AGPS: variants seen among roughly 807,000 people sequenced by gnomAD.
AGPS encodes alkylglycerone phosphate synthase.
In AGPS, 26 loss-of-function variants were observed where a neutral mutation model predicts 90.7. That is an observed-to-expected ratio of 0.29 (90% CI 0.21 to 0.40). The LOEUF is 0.40. AGPS is among the 10% of genes least tolerant of loss of function. The probability of loss-of-function intolerance (pLI) is 1.00; values close to 1 mark genes in which losing one functional copy is unlikely to be tolerated. For synonymous variants in AGPS, 294 were observed against 285.3 expected, an observed-to-expected ratio of 1.03 and a Z score of -0.31; for missense variants, 540 against 816.1, an observed-to-expected ratio of 0.66 and a Z score of 4.12.
At chr2:177,400,880 C>G (rs570238150) in intron 1 of AGPS, among the ~76,000 whole-genome samples, 1 of 152,264 alleles carries the variant, frequency 6.6e-6, no homozygotes, top group East Asian at 1.9e-4. Flanking sequence ...AGATTGATTA[C>G]CTAGTTGGGT....
intron 8 of AGPS, among the ~76,000 whole-genome samples, chr2:177,455,019 CTGT>C (rs1559053668): frequency 6.6e-6 from 1 of 151,474 alleles, no homozygotes; most frequent in Non-Finnish European, 1.5e-5. Context: ...AGCTCATCAG[CTGT>C]TGTTAGTATT....
At chr2:177,462,140 C>T in intron 9 of AGPS, 122 bp downstream of exon 9, 1 of 844,190 alleles carries the variant, frequency 1.2e-6, no homozygotes, top group Non-Finnish European at 1.7e-6. Flanking sequence ...CCTGTAATCC[C>T]AGCACTTTGG....
At chr2:177,434,440 T>C in intron 3 of AGPS, 23 bp downstream of exon 3, 2 of 1,516,356 alleles carry the variant, frequency 1.3e-6, no homozygotes, top group South Asian at 1.1e-5. Flanking sequence ...AAATTATTAC[T>C]AACTCATTTA....
At chr2:177,461,860 T>C in intron 8 of AGPS, 33 bp from the exon 9 acceptor site, 1 of 1,596,464 alleles carries the variant, frequency 6.3e-7, no homozygotes, top group Non-Finnish European at 8.6e-7. Flanking sequence ...TGGGACCATT[T>C]TCACTGTAAA....
At chr2:177,533,048 T>C (rs982261602) in intron 19 of AGPS, among the ~76,000 whole-genome samples, 1 of 152,202 alleles carries the variant, frequency 6.6e-6, no homozygotes, top group African/African-American at 2.4e-5. Context: ...TATATCAGTG[T>C]CAATGTCTTA....
rs77186170 is a variant in AGPS at position 177,479,750 on chromosome 2, T to C, written c.1106-2309T>C. 4.0e-3 allele frequency among the ~76,000 whole-genome samples: 612 copies of C among 152,338 alleles called. 6 individuals are homozygous for C. The highest frequency in any genetic ancestry group is 0.032 in the East Asian group (168 of 5,178). ...GTATAGACAGAAAATAGATTTGTGG[T>C]TGCCTATGGCTAGGGTGTGGGAGTA... is the stretch of plus-strand genomic sequence containing the variant. On this transcript the variant is annotated intron_variant, in intron 10 of 19. Transcript: ENST00000264167.
chr2:177,447,720 T>C (rs1245794576), intron 8 of AGPS, among the ~76,000 whole-genome samples: 1 of 152,124 alleles, frequency 6.6e-6, no homozygotes, highest in African/African-American at 2.4e-5. Flanking sequence ...TTTCCCTAAA[T>C]GCCGATATAG....
At chr2:177,442,175 A>G (rs1686627310) in intron 6 of AGPS, among the ~76,000 whole-genome samples, 1 of 152,224 alleles carries the variant, frequency 6.6e-6, no homozygotes, top group Admixed American at 6.5e-5. Flanking sequence ...GGATGGAACC[A>G]TAGCCCATTG....
chr2:177,460,526 T>C (rs961109748), intron 8 of AGPS, among the ~76,000 whole-genome samples: 4 of 152,248 alleles, frequency 2.6e-5, no homozygotes, highest in African/African-American at 9.6e-5. Context: ...TGTTTTGTCA[T>C]GACAGTATGT....
At chr2:177,416,386 C>T (rs1685785008) in intron 1 of AGPS, among the ~76,000 whole-genome samples, 1 of 152,190 alleles carries the variant, frequency 6.6e-6, no homozygotes, top group Non-Finnish European at 1.5e-5. Flanking sequence ...TTTATGCCTC[C>T]ATTTTCTTTT....
chr2:177,513,801 T>G lies in AGPS; in HGVS notation c.1608-18T>G. ...CTCACTTGAAAACTTAATATTGTAT[T>G]CATTTATCTTTTTTTAGGGTGGTAG... On this transcript the variant is annotated intron_variant, in intron 16 of 19. Coordinates refer to ENST00000264167, the MANE Select transcript of AGPS (RefSeq NM_003659.4). 6.4e-7 allele frequency: 1 copy of G among 1,574,092 alleles called. No individual in the cohort carries two copies.
At chr2:177,402,660 C>G (rs1485009546) in intron 1 of AGPS, among the ~76,000 whole-genome samples, 1 of 152,142 alleles carries the variant, frequency 6.6e-6, no homozygotes, top group Admixed American at 6.5e-5. Context: ...AACTTTAAAA[C>G]ATACGGTTAA....
chr2:177,426,201 G>T (rs945766484), intron 2 of AGPS, among the ~76,000 whole-genome samples: 7 of 152,084 alleles, frequency 4.6e-5, no homozygotes, highest in African/African-American at 1.4e-4. Flanking sequence ...CTTGCCTGTT[G>T]TTGGTGTATA....
intron 11 of AGPS, among the ~76,000 whole-genome samples, chr2:177,482,666 GC>G (rs1192652700): frequency 1.3e-5 from 2 of 152,012 alleles, no homozygotes; most frequent in Admixed American, 6.6e-5. Context: ...AGAATGTGCT[GC>G]TACTAGGCTA....
intron 14 of AGPS, among the ~76,000 whole-genome samples, chr2:177,502,655 T>G (rs1166999306): frequency 6.6e-6 from 1 of 152,062 alleles, no homozygotes; most frequent in Non-Finnish European, 1.5e-5. Flanking sequence ...GGTCTCAGAC[T>G]CCTGGTCTCA....
intron 14 of AGPS, among the ~76,000 whole-genome samples, chr2:177,502,640 A>C (rs941174879): frequency 6.6e-6 from 1 of 151,998 alleles, no homozygotes; most frequent in African/African-American, 2.4e-5. Flanking sequence ...CATGTTGCCC[A>C]GGCTGGTCTC....
At chr2:177,482,244 T>G (rs537316284) in intron 11 of AGPS, 58 bp downstream of exon 11, 37 of 979,380 alleles carry the variant, frequency 3.8e-5, no homozygotes, top group Middle Eastern at 7.3e-4. Context: ...TATTTATATT[T>G]TTCAAATTCT....
At position 177,534,589 on chromosome 2, in the gene AGPS, T is replaced by A. The variant is rs2079166537; in HGVS notation, c.1856-3485T>A. On this transcript the variant is annotated intron_variant, in intron 19 of 19. Transcript: ENST00000264167. ...TTCTTTCTTTTCTTTTCTTTTTTGT[T>A]TCTTTTTTTTTTGTGAGCTATGGAG... is the stretch of plus-strand genomic sequence containing the variant. Among the ~76,000 whole-genome samples the A allele has an allele frequency of 2.4e-5, 3 of 122,786 alleles. No individual in the cohort carries two copies. The South Asian group carries it at 8.6e-4, about 35-fold the overall frequency. The allele number at this position is 122,786 out of a possible 152,430, so 80.6% of individuals were successfully genotyped here. A position where few individuals can be genotyped will look rare whatever the true frequency, so the allele number is the denominator to read the frequency against.
At chr2:177,467,676 ATTGC>A (rs1279258156) in intron 9 of AGPS, among the ~76,000 whole-genome samples, 1 of 152,106 alleles carries the variant, frequency 6.6e-6, no homozygotes, top group African/African-American at 2.4e-5. Flanking sequence ...TATTTTGTGT[ATTGC>A]TTATTGATGT....
Sources: allele counts gnomAD v4.1 joint callset (sites outside exome capture counted in the v4.1 genomes callset), GRCh38; gene constraint gnomAD v4.1.1; transcripts MANE v1.5; gene names NCBI Gene and HGNC (gene_info 2026-07-23, HGNC 2026-07-21).